TMEM67: variants seen among roughly 807,000 people sequenced by gnomAD.
The protein encoded by TMEM67 is meckelin.
A neutral mutation model predicts 136.6 loss-of-function variants in TMEM67; 124 were observed. The ratio of observed to expected loss-of-function variants is 0.91; its 90% CI spans 0.78 to 1.05. The LOEUF (loss-of-function observed/expected upper bound fraction) is 1.05, where lower values mean the gene tolerates loss of function less well. Ranked by LOEUF, TMEM67 falls within the 50% of genes least tolerant of loss-of-function variation. TMEM67 has a pLI of 0.00. For missense variants in TMEM67, 1,107 were observed against 1,178.4 expected, an observed-to-expected ratio of 0.94 and a Z score of 0.89; for synonymous variants, 364 against 390.5, an observed-to-expected ratio of 0.93 and a Z score of 0.80.
rs191760920 is a variant in TMEM67, at chr8:93,779,373, A to G, written c.715-1220A>G. Among the ~76,000 whole-genome samples, 425 of 152,270 alleles carry G rather than the reference A, an allele frequency of 2.8e-3. 1 individual carries two copies. Among genetic ancestry groups the G allele is most frequent in the Non-Finnish European group, 4.0e-3 (273 of 68,020 alleles). On this transcript the variant is annotated intron_variant, in intron 7 of 27. Transcript: ENST00000453321. ...GTACTTCTGTCAGTTTGTCAAAGTCATTCTCCATCCAGCTTTGTTCTGTTG... is the reference window on the plus strand; with the variant it reads ...GTACTTCTGTCAGTTTGTCAAAGTCGTTCTCCATCCAGCTTTGTTCTGTTG...
chr8:93,786,468 G>A (rs1456492841), intron 13 of TMEM67, 122 bp downstream of exon 13: 2 of 1,126,716 alleles, frequency 1.8e-6, no homozygotes, highest in Admixed American at 3.8e-5. Flanking sequence ...GTTATTTTAG[G>A]TGTATGTGTA....
rs1183915077 is a variant in TMEM67, at chr8:93,789,475, G to A, written c.1518+1526G>A. Among the ~76,000 whole-genome samples the A allele has an allele frequency of 2.6e-5, 4 of 151,710 alleles. No homozygotes were observed. In the East Asian group the frequency reaches 5.8e-4, roughly 22 times the overall value. On this transcript the variant is annotated intron_variant, in intron 14 of 27. Coordinates refer to ENST00000453321, the MANE Select transcript of TMEM67 (RefSeq NM_153704.6). ...AGCTTGACCAACATAGTGAAACCCT[G>A]TCTCTACTAAAAATACAAAATCAGC...
chr8:93,830,548 T>C, the TMEM67 span, among the ~76,000 whole-genome samples: 1 of 152,188 alleles, frequency 6.6e-6, no homozygotes, highest in Admixed American at 6.5e-5. Context: ...AGTGTCAGAA[T>C]TGAATTGGGG....
rs1465662324 is a variant in TMEM67, at chr8:93,755,009, G to T, written c.95G>T (p.Arg32Leu). 1 of 1,614,022 alleles carries T rather than the reference G, an allele frequency of 6.2e-7. No individual in the cohort carries two copies. Among genetic ancestry groups the T allele is most frequent in the Non-Finnish European group, 8.5e-7 (1 of 1,180,028 alleles). Residue 32 changes from arginine (R) to leucine (L), a missense_variant, in exon 1 of 28, where the codon CGC becomes CTC. Arg to Leu is a moderately radical substitution (Grantham distance 102). Around this residue, in one of 3 missense-constraint regions of TMEM67, gnomAD observed 178 missense variants for 159.2 expected, o/e 1.12. Coordinates refer to ENST00000453321, the MANE Select transcript of TMEM67 (RefSeq NM_153704.6). ...GCGTTCCTTCTGTTGTTCCTCCCTC[G>T]CTTCTTACAGGCCCAGACCTTCTCT... ...VTAFLLLFLP[R>L]FLQAQTFSFP...
chr8:93,826,288 C>T, the TMEM67 span, among the ~76,000 whole-genome samples: 1 of 151,840 alleles, frequency 6.6e-6, no homozygotes, highest in Non-Finnish European at 1.5e-5. Flanking sequence ...CACCACCGCG[C>T]GTGGCTAGTT....
intron 6 of TMEM67, among the ~76,000 whole-genome samples, chr8:93,772,180 A>G (rs1327625187): frequency 6.6e-6 from 1 of 152,150 alleles, no homozygotes; most frequent in African/African-American, 2.4e-5. Context: ...GAGAACCACC[A>G]CTTTGGAGAT....
chr8:93,795,809 C>T (rs62525168), intron 17 of TMEM67, 92 bp from the exon 18 acceptor site: 2 of 1,045,134 alleles, frequency 1.9e-6, no homozygotes, highest in Non-Finnish European at 1.4e-6. Context: ...ACCCTCCTTT[C>T]CCAAAAAAAA....
chr8:93,786,430 G>T, intron 13 of TMEM67, 84 bp downstream of exon 13: 1 of 1,482,338 alleles, frequency 6.7e-7, no homozygotes. Context: ...AAAACAATAA[G>T]GACAACTGAA....
intron 2 of TMEM67, chr8:93,756,160 T>G (rs1297581200): frequency 3.3e-6 from 1 of 300,414 alleles, no homozygotes; most frequent in Non-Finnish European, 6.2e-6. Flanking sequence ...ATTAGATGAA[T>G]AAGGCATATA....
At chr8:93,828,742 C>CAAA in the TMEM67 span, among the ~76,000 whole-genome samples, 1 of 89,292 alleles carries the variant, frequency 1.1e-5, no homozygotes, top group Non-Finnish European at 2.4e-5. Context: ...AAGACTGTCT[C>CAAA]AAAAAAAAAA....
At chr8:93,799,017 G>A (rs1468534244) in intron 20 of TMEM67, among the ~76,000 whole-genome samples, 1 of 151,074 alleles carries the variant, frequency 6.6e-6, no homozygotes, top group African/African-American at 2.4e-5. Context: ...AAGGTGTTAT[G>A]TGAAAAAGTT....
intron 7 of TMEM67, among the ~76,000 whole-genome samples, chr8:93,772,892 G>A (rs1197782031): frequency 1.3e-5 from 2 of 152,100 alleles, no homozygotes; most frequent in Admixed American, 1.3e-4. Flanking sequence ...GAAACTGACT[G>A]TCACTTAGTA....
chr8:93,828,967 G>A, the TMEM67 span, among the ~76,000 whole-genome samples: 11 of 151,970 alleles, frequency 7.2e-5, no homozygotes, highest in African/African-American at 2.7e-4. Flanking sequence ...GGAGTTTCTT[G>A]TAACATTATG....
rs748077984 is a variant in TMEM67, at chr8:93,755,879, T to C, written c.312+13T>C. ...CCCAGAAAACATGGTGCGCATAATT[T>C]ATTTTAAAATAACTTACCTGTAAAA... On this transcript the variant is annotated intron_variant, in intron 2 of 27. Coordinates refer to ENST00000453321, the MANE Select transcript of TMEM67 (RefSeq NM_153704.6). 149 of 1,459,642 alleles carry C rather than the reference T, an allele frequency of 1.0e-4. No individual in the cohort carries two copies. The highest frequency in any genetic ancestry group is 1.1e-4 in the Non-Finnish European group (118 of 1,048,058). The allele number at this position is 1,459,642 out of a possible 1,614,324, so 90.4% of individuals were successfully genotyped here.
chr8:93,826,274 C>T, the TMEM67 span, among the ~76,000 whole-genome samples: 3 of 151,850 alleles, frequency 2.0e-5, no homozygotes, highest in East Asian at 1.9e-4. Context: ...GGACTACAGG[C>T]GCCCACCACC....
chr8:93,805,712 AG>A (rs1194792537), intron 23 of TMEM67, among the ~76,000 whole-genome samples: 4 of 152,182 alleles, frequency 2.6e-5, no homozygotes, highest in African/African-American at 7.2e-5. Context: ...ATAATTCATG[AG>A]GGAAAGTTCC....
chr8:93,820,865 T>C (rs969258618), downstream of TMEM67, among the ~76,000 whole-genome samples: 7 of 152,216 alleles, frequency 4.6e-5, no homozygotes, highest in Non-Finnish European at 1.0e-4. Flanking sequence ...GAAGTAGCAA[T>C]AGACAAACTG....
At chr8:93,828,763 A>T in the TMEM67 span, among the ~76,000 whole-genome samples, 3 of 149,992 alleles carry the variant, frequency 2.0e-5, no homozygotes, top group African/African-American at 7.4e-5. Flanking sequence ...AAAAAAAAGT[A>T]TTAACTCACT....
At chr8:93,807,114 T>C (rs1471143123) in intron 23 of TMEM67, among the ~76,000 whole-genome samples, 1 of 152,122 alleles carries the variant, frequency 6.6e-6, no homozygotes, top group Non-Finnish European at 1.5e-5. Flanking sequence ...TAGCAAACTT[T>C]TTTTGAAAAG....
Sources: gnomAD v4.1 joint callset for allele counts (sites outside exome capture counted in the v4.1 genomes callset) on GRCh38, gnomAD v4.1.1 for gene constraint, gnomAD v4.1.1 regional missense constraint, MANE v1.5 for transcripts, NCBI Gene and HGNC (gene_info 2026-07-23, HGNC 2026-07-21) for gene names.